RPIA: variants seen among roughly 807,000 people sequenced by gnomAD.
The protein encoded by RPIA is ribose-5-phosphate isomerase.
Under a neutral mutation model 37.8 loss-of-function variants are expected in RPIA, and 29 were observed. The observed-to-expected ratio is 0.77, with a 90% CI of 0.57 to 1.05. RPIA has a LOEUF of 1.05. RPIA is among the 50% of genes least tolerant of loss of function. The pLI is 0.00. For missense variants in RPIA, 385 were observed against 413.6 expected, an observed-to-expected ratio of 0.93 and a Z score of 0.60; for synonymous variants, 167 against 157.0, an observed-to-expected ratio of 1.06 and a Z score of -0.48.
chr2:88,749,974 C>T lies in RPIA; in HGVS notation c.839-7C>T, dbSNP rs369448619. 1.9e-5 allele frequency: 30 copies of T among 1,604,858 alleles called. No individual in the cohort carries two copies. The highest frequency in any genetic ancestry group is 1.2e-4 in the Admixed American group (7 of 59,958). On this transcript the variant is annotated splice_region_variant and splice_polypyrimidine_tract_variant and intron_variant, in intron 8 of 8. Transcript: ENST00000283646. Reference sequence around the variant, plus strand: ...AACAATGTTTCTTTCTGTCCTTTGTCCTGCAGGTGTGGTGGACACAGGCCT... The same window carrying T: ...AACAATGTTTCTTTCTGTCCTTTGTTCTGCAGGTGTGGTGGACACAGGCCT...
chr2:88,715,081 G>T (rs968556274), intron 3 of RPIA, among the ~76,000 whole-genome samples: 2 of 152,306 alleles, frequency 1.3e-5, no homozygotes, highest in African/African-American at 4.8e-5. Flanking sequence ...AAGTCAATAC[G>T]CAGAGACACT....
intron 8 of RPIA, among the ~76,000 whole-genome samples, chr2:88,738,792 T>C (rs1246450805): frequency 2.0e-5 from 3 of 152,194 alleles, no homozygotes; most frequent in Non-Finnish European, 2.9e-5. Context: ...TTCCTTTGAT[T>C]CCCACTTTGA....
rs1053225667 is a variant in RPIA at position 88,691,939 on chromosome 2, G to A, written c.241G>A (p.Ala81Thr). ...CTCCACGATGTCCAAGGCCGAGGAGGCCAAGAAGCTGGCGGGCCGCGCGGC... is the reference window on the plus strand; with the variant it reads ...CTCCACGATGTCCAAGGCCGAGGAGACCAAGAAGCTGGCGGGCCGCGCGGC... ...APSTMSKAEE[A>T]KKLAGRAAVE... is the part of the protein sequence containing the mutation. The change falls in exon 1 of 9, where the codon GCC (alanine) becomes ACC (threonine). Residue 81 changes from alanine (A) to threonine (T), a missense_variant. Physicochemically the swap from Ala to Thr is moderately conservative, Grantham distance 58. Coordinates refer to ENST00000283646, the MANE Select transcript of RPIA (RefSeq NM_144563.3). 1.3e-6 allele frequency: 2 copies of A among 1,599,788 alleles called. No individual in the cohort carries two copies. Among genetic ancestry groups the A allele is most frequent in the Admixed American group, 3.5e-5 (2 of 57,796 alleles).
chr2:88,712,595 T>C (rs1292094431), intron 3 of RPIA, among the ~76,000 whole-genome samples: 1 of 152,226 alleles, frequency 6.6e-6, no homozygotes, highest in Non-Finnish European at 1.5e-5. Flanking sequence ...TTTTACAGAA[T>C]TGTAACTGTG....
intron 3 of RPIA, among the ~76,000 whole-genome samples, chr2:88,728,264 A>G (rs747211967): frequency 6.6e-6 from 1 of 152,150 alleles, no homozygotes; most frequent in Non-Finnish European, 1.5e-5. Context: ...ATCAGGATCC[A>G]ACATTACAAT....
At chr2:88,701,979 T>C (rs539863744) in intron 3 of RPIA, among the ~76,000 whole-genome samples, 11 of 152,348 alleles carry the variant, frequency 7.2e-5, no homozygotes, top group African/African-American at 9.6e-5. Flanking sequence ...GAAACACTTA[T>C]CATAGAAAAG....
intron 3 of RPIA, among the ~76,000 whole-genome samples, chr2:88,721,768 A>G (rs1673134824): frequency 1.3e-5 from 2 of 149,970 alleles, no homozygotes; most frequent in South Asian, 2.1e-4. Flanking sequence ...ATATATTAAT[A>G]GCAAATATAT....
chr2:88,747,657 C>G (rs1673455334), intron 8 of RPIA, among the ~76,000 whole-genome samples: 1 of 152,118 alleles, frequency 6.6e-6, no homozygotes, highest in African/African-American at 2.4e-5. Context: ...CCTGCTGCTG[C>G]TTCTACTTTT....
At chr2:88,697,182 A>G (rs1456659766) in intron 1 of RPIA, among the ~76,000 whole-genome samples, 1 of 152,248 alleles carries the variant, frequency 6.6e-6, no homozygotes, top group Non-Finnish European at 1.5e-5. Context: ...GAGTCAGACA[A>G]TACAAGCAGG....
intron 3 of RPIA, among the ~76,000 whole-genome samples, chr2:88,703,223 A>G (rs1176521388): frequency 1.3e-5 from 2 of 152,124 alleles, no homozygotes; most frequent in Non-Finnish European, 2.9e-5. Context: ...TGGATCTACC[A>G]TTCTGGGGTC....
chr2:88,723,786 G>A (rs548464143), intron 3 of RPIA, among the ~76,000 whole-genome samples: 1 of 152,250 alleles, frequency 6.6e-6, no homozygotes, highest in East Asian at 1.9e-4. Flanking sequence ...TGTGCCCAAG[G>A]TGGTCAGAGC....
chr2:88,703,096 T>C (rs1672850754), intron 3 of RPIA, among the ~76,000 whole-genome samples: 1 of 152,180 alleles, frequency 6.6e-6, no homozygotes, highest in Admixed American at 6.5e-5. Context: ...TGGGTGCCCA[T>C]GGTCTTGGGC....
Position 88,750,699 on chromosome 2 carries a change from C to T in RPIA, c.*621C>T. Reference sequence around the variant, plus strand: ...AATGTTGTTACACTTTTGCTAAGATCTGGGGGTTTCTTCATATTCCTGCTG... The same window carrying T: ...AATGTTGTTACACTTTTGCTAAGATTTGGGGGTTTCTTCATATTCCTGCTG... On this transcript the variant is annotated 3_prime_UTR_variant, in exon 9 of 9. Coordinates refer to ENST00000283646, the MANE Select transcript of RPIA (RefSeq NM_144563.3). 1 of 399,378 alleles carries T rather than the reference C, an allele frequency of 2.5e-6. No homozygotes were observed. Among genetic ancestry groups the T allele is most frequent in the East Asian group, 3.6e-5 (1 of 28,074 alleles). 24.7% of individuals were successfully genotyped at this position (399,378 alleles called of 1,614,324 possible). A position where few individuals can be genotyped will look rare whatever the true frequency, so the allele number is the denominator to read the frequency against.
chr2:88,692,112 G>A, intron 1 of RPIA, 129 bp downstream of exon 1: 2 of 1,207,560 alleles, frequency 1.7e-6, no homozygotes, highest in South Asian at 1.5e-5. Flanking sequence ...AGGGTAGAGG[G>A]TGTGCACTTT....
Position 88,750,239 on chromosome 2 carries a change from G to A in RPIA, c.*161G>A. ...GGGGAGTTAAATCCAGTCTTATGAA[G>A]TATTGTTATTAAATGTCTTTTTAAA... is the stretch of plus-strand genomic sequence containing the variant. On this transcript the variant is annotated 3_prime_UTR_variant, in exon 9 of 9. Transcript: ENST00000283646. The A allele has an allele frequency of 1.7e-6, 1 of 576,678 alleles. No homozygotes were observed. The highest frequency in any genetic ancestry group is 3.1e-6 in the Non-Finnish European group (1 of 318,044). The allele number at this position is 576,678 out of a possible 1,614,324, so 35.7% of individuals were successfully genotyped here.
At chr2:88,693,901 G>C (rs1398723449) in intron 1 of RPIA, among the ~76,000 whole-genome samples, 1 of 152,244 alleles carries the variant, frequency 6.6e-6, no homozygotes, top group Non-Finnish European at 1.5e-5. Flanking sequence ...AGCCACCCAG[G>C]ATGGGTCGAC....
intron 8 of RPIA, 55 bp downstream of exon 8, chr2:88,738,131 C>T: frequency 7.7e-7 from 1 of 1,300,430 alleles, no homozygotes; most frequent in Admixed American, 1.7e-5. Flanking sequence ...TCATAACTGG[C>T]CCCTACATCT....
chr2:88,725,343 T>TAA (rs11406557), intron 3 of RPIA, among the ~76,000 whole-genome samples: 17 of 143,074 alleles, frequency 1.2e-4, no homozygotes, highest in African/African-American at 3.0e-4. Flanking sequence ...CTGAATAGCT[T>TAA]AAAAAAAAAA....
At chr2:88,705,453 T>C (rs1158584611) in intron 3 of RPIA, among the ~76,000 whole-genome samples, 1 of 152,130 alleles carries the variant, frequency 6.6e-6, no homozygotes, top group Non-Finnish European at 1.5e-5. Flanking sequence ...ACAAAAGCGA[T>C]GGGGAAAGGA....
Sources: allele counts gnomAD v4.1 joint callset (sites outside exome capture counted in the v4.1 genomes callset), GRCh38; gene constraint gnomAD v4.1.1; transcripts MANE v1.5; gene names NCBI Gene and HGNC (gene_info 2026-07-23, HGNC 2026-07-21).